The following DLGAP2 variants were observed in gnomAD, a reference collection of about 807,000 sequenced individuals.
DLGAP2 encodes DLG associated protein 2, also known as disks large-associated protein 2.
Under a neutral mutation model 100.3 loss-of-function variants are expected in DLGAP2, and 26 were observed. The ratio of observed to expected loss-of-function variants is 0.26; its 90% CI spans 0.19 to 0.36. The LOEUF (loss-of-function observed/expected upper bound fraction) is 0.36, where lower values mean the gene tolerates loss of function less well. Among genes scored for constraint, DLGAP2 ranks in the 10% least tolerant of loss-of-function variants. DLGAP2 has a pLI of 1.00. For missense variants in DLGAP2, 1,858 were observed against 1,453.2 expected (o/e 1.28, Z -4.53); for synonymous variants, 886 against 630.1 (o/e 1.41, Z -6.08).
chr8:883,481 C>G (rs1399435458), intron 1 of DLGAP2: 1 of 151,968 alleles, frequency 6.6e-6, no homozygotes, highest in East Asian at 1.9e-4. Context: ...ACTTGATATG[C>G]AAATGCATAT....
Position 915,570 on chromosome 8 carries a change from G to A in DLGAP2, c.73+7604G>A, listed in dbSNP as rs1488328186. ...TCTAAAAAAAAAAAAGAAACCCATC[G>A]CTGGAATGAGACTGTTGTCAGAGTC... On this transcript the variant is annotated intron_variant, in intron 2 of 14. Transcript: ENST00000637795. Among the ~76,000 whole-genome samples the A allele has an allele frequency of 2.6e-5, 4 of 151,542 alleles. No individual in the cohort carries two copies. The East Asian group carries it at 5.8e-4, about 22-fold the overall frequency.
At chr8:1,495,328 C>CCA (rs2130299393) in intron 3 of DLGAP2, among the ~76,000 whole-genome samples, 1 of 152,298 alleles carries the variant, frequency 6.6e-6, no homozygotes, top group African/African-American at 2.4e-5. Context: ...AGCATTGTCT[C>CCA]CACTTCCAGG....
Position 737,652 on chromosome 8 carries a change from G to A in DLGAP2, c.-156G>A. On this transcript the variant is annotated 5_prime_UTR_variant, in exon 1 of 15. Coordinates refer to ENST00000637795, the MANE Select transcript of DLGAP2 (RefSeq NM_001346810.2). ...AAGACCGACCGTGCGCCGGGCTCGA[G>A]CGCGGTCTGAGCGCGCGGCGCCTGC... 2.8e-6 allele frequency: 1 copy of A among 353,832 alleles called. No homozygotes were observed. Among genetic ancestry groups the A allele is most frequent in the Non-Finnish European group, 5.1e-6 (1 of 197,338 alleles). 21.9% of individuals were successfully genotyped at this position (353,832 alleles called of 1,614,324 possible). A position where few individuals can be genotyped will look rare whatever the true frequency, so the allele number is the denominator to read the frequency against.
intron 2 of DLGAP2, among the ~76,000 whole-genome samples, chr8:1,123,252 C>T (rs918788165): frequency 6.6e-6 from 1 of 152,090 alleles, no homozygotes; most frequent in African/African-American, 2.4e-5. Flanking sequence ...AAATGTAAAG[C>T]AAAGAATAAT....
intron 2 of DLGAP2, among the ~76,000 whole-genome samples, chr8:1,085,568 A>G (rs1166560716): frequency 6.6e-6 from 1 of 152,160 alleles, no homozygotes; most frequent in Non-Finnish European, 1.5e-5. Context: ...TTTATTGAAG[A>G]TCAAGCTGTG....
intron 2 of DLGAP2, among the ~76,000 whole-genome samples, chr8:1,165,631 C>T (rs1355132744): frequency 6.6e-6 from 1 of 152,222 alleles, no homozygotes; most frequent in African/African-American, 2.4e-5. Flanking sequence ...CTGCGTGTGA[C>T]TGTTACATGA....
At chr8:1,660,191 G>A (rs1454765998) in intron 8 of DLGAP2, among the ~76,000 whole-genome samples, 1 of 152,162 alleles carries the variant, frequency 6.6e-6, no homozygotes. Flanking sequence ...CTGGCTTGTA[G>A]GATTTCTACT....
At chr8:779,987 A>C (rs1821643491) in intron 1 of DLGAP2, among the ~76,000 whole-genome samples, 1 of 152,144 alleles carries the variant, frequency 6.6e-6, no homozygotes, top group Admixed American at 6.5e-5. Flanking sequence ...CACCTCACCA[A>C]CTTACCATTT....
intron 1 of DLGAP2, among the ~76,000 whole-genome samples, chr8:788,703 C>T (rs780745699): frequency 6.6e-6 from 1 of 152,128 alleles, no homozygotes; most frequent in African/African-American, 2.4e-5. Context: ...TTCCTGGGGG[C>T]AGTGTTTTAA....
At chr8:1,313,603 C>T (rs1470031796) in intron 3 of DLGAP2, among the ~76,000 whole-genome samples, 1 of 152,160 alleles carries the variant, frequency 6.6e-6, no homozygotes, top group Non-Finnish European at 1.5e-5. Context: ...TCAGGCCATT[C>T]AGTAACAGTC....
rs553778613 is a variant in DLGAP2, at chr8:1,118,662, G to A, written c.74-140189G>A. On this transcript the variant is annotated intron_variant, in intron 2 of 14. Transcript: ENST00000637795. ...CCCCTGTACTGAGGGCATTTTGTCA[G>A]TGCTTAGAGCAACCTTCAAGATCAT... Among the ~76,000 whole-genome samples, 11 of 152,310 alleles carry A rather than the reference G, an allele frequency of 7.2e-5. No homozygotes were observed. The East Asian group carries it at 1.9e-3, about 27-fold the overall frequency.
At position 1,028,337 on chromosome 8, in the gene DLGAP2, G is replaced by T. The variant is rs571766557; in HGVS notation, c.73+120371G>T. Among the ~76,000 whole-genome samples the T allele has an allele frequency of 5.9e-4, 84 of 142,672 alleles. 1 individual carries two copies. In the South Asian group the frequency reaches 0.017, roughly 28 times the overall value. 93.6% of individuals were successfully genotyped at this position (142,672 alleles called of 152,430 possible). On this transcript the variant is annotated intron_variant, in intron 2 of 14. Transcript: ENST00000637795. ...CAGGCGCCCGTTATTCTCCAGGTCG[G>T]GTGTCAGGCGCCCGTTATTCTCCAG...
chr8:1,454,020 G>A (rs997595737), intron 3 of DLGAP2, among the ~76,000 whole-genome samples: 8 of 152,248 alleles, frequency 5.3e-5, no homozygotes, highest in African/African-American at 1.9e-4. Context: ...AGTGGGATCC[G>A]CTGAAAGGCA....
rs1263769028 is a variant in DLGAP2, at chr8:1,554,061, G to T, written c.1230+4378G>T. On this transcript the variant is annotated intron_variant, in intron 5 of 14. Coordinates refer to ENST00000637795, the MANE Select transcript of DLGAP2 (RefSeq NM_001346810.2). Reference sequence around the variant, plus strand: ...CTAGCACTTTGGGAGGCCAACGCAGGTGGATCACCTGAGGTCAGGAGTTCA... The same window carrying T: ...CTAGCACTTTGGGAGGCCAACGCAGTTGGATCACCTGAGGTCAGGAGTTCA... Among the ~76,000 whole-genome samples the T allele has an allele frequency of 2.6e-5, 4 of 152,308 alleles. No homozygotes were observed. The East Asian group carries it at 5.8e-4, about 22-fold the overall frequency.
At chr8:1,273,550 C>T (rs1235080217) in intron 3 of DLGAP2, among the ~76,000 whole-genome samples, 1 of 152,228 alleles carries the variant, frequency 6.6e-6, no homozygotes, top group African/African-American at 2.4e-5. Context: ...CAGGAACGTC[C>T]TGCTCTGCTG....
At chr8:1,012,736 C>T (rs1393637657) in intron 2 of DLGAP2, among the ~76,000 whole-genome samples, 2 of 139,970 alleles carry the variant, frequency 1.4e-5, no homozygotes, top group Non-Finnish European at 3.1e-5. Context: ...GACCGGCCCC[C>T]CCACTTCAGC....
intron 6 of DLGAP2, among the ~76,000 whole-genome samples, chr8:1,606,143 G>A (rs139440324): frequency 3.3e-5 from 5 of 152,216 alleles, no homozygotes; most frequent in African/African-American, 1.2e-4. Context: ...AGGTACCAGT[G>A]GGTTTTTTTT....
At chr8:1,090,439 T>C (rs1210599864) in intron 2 of DLGAP2, among the ~76,000 whole-genome samples, 1 of 152,276 alleles carries the variant, frequency 6.6e-6, no homozygotes, top group Non-Finnish European at 1.5e-5. Flanking sequence ...GGGCAGGCTC[T>C]TGGGCTCCTT....
At chr8:836,698 G>C (rs1350290763) in intron 1 of DLGAP2, among the ~76,000 whole-genome samples, 2 of 152,230 alleles carry the variant, frequency 1.3e-5, no homozygotes, top group Non-Finnish European at 2.9e-5. Flanking sequence ...AAGGGCTTTG[G>C]AGAGAGGGCC....
Sources: gnomAD v4.1 joint callset for allele counts (sites outside exome capture counted in the v4.1 genomes callset) on GRCh38, gnomAD v4.1.1 for gene constraint, MANE v1.5 for transcripts, NCBI Gene and HGNC (gene_info 2026-07-23, HGNC 2026-07-21) for gene names.